ABCA5: variants seen among roughly 807,000 people sequenced by gnomAD.
ABCA5 encodes cholesterol transporter ABCA5.
ABCA5 carries 163 observed loss-of-function variants against 206.0 expected under a neutral mutation model. The ratio of observed to expected loss-of-function variants is 0.79; its 90% CI spans 0.70 to 0.90. The LOEUF is 0.90. Among genes scored for constraint, ABCA5 ranks in the 40% least tolerant of loss-of-function variants. The probability of loss-of-function intolerance (pLI) is 0.00; values close to 1 mark genes in which losing one functional copy is unlikely to be tolerated. For missense variants in ABCA5, 1,859 were observed against 1,912.9 expected (o/e 0.97, Z 0.53); for synonymous variants, 609 against 613.8 (o/e 0.99, Z 0.11).
chr17:69,281,595 A>G (rs1394024047), intron 18 of ABCA5, among the ~76,000 whole-genome samples: 1 of 152,194 alleles, frequency 6.6e-6, no homozygotes, highest in Non-Finnish European at 1.5e-5. Context: ...AGAAAAATTA[A>G]GAACTCAAAA....
At chr17:69,305,813 G>A (rs548891046) in intron 6 of ABCA5, among the ~76,000 whole-genome samples, 3 of 152,292 alleles carry the variant, frequency 2.0e-5, no homozygotes, top group South Asian at 4.1e-4. Context: ...TGAGGCCACA[G>A]TGACCCATGA....
At position 69,302,720 on chromosome 17, in the gene ABCA5, G is replaced by C. The variant is rs2075665105; in HGVS notation, c.1117C>G (p.Gln373Glu). ...CHCTFVIGIA[Q>E]VMHLEDFNEG... ...TGCAAGATTAATATATTACCTACCT[G>C]TGCAATACCAATCACAAAAGTACAG... Residue 373 changes from glutamine to glutamate, a missense_variant and splice_region_variant, in exon 8 of 39, where the codon CAG (glutamine) becomes GAG (glutamate). By Grantham distance (29) the Gln-to-Glu change is conservative. Transcript: ENST00000392676. The C allele has an allele frequency of 6.4e-7, 1 of 1,556,544 alleles. No homozygotes were observed.
chr17:69,317,296 A>T (rs1445007827), intron 1 of ABCA5: 2 of 150,848 alleles, frequency 1.3e-5, no homozygotes, highest in Admixed American at 6.7e-5. Context: ...CCAGCTACTC[A>T]GGAAGCCGAG....
intron 20 of ABCA5, among the ~76,000 whole-genome samples, chr17:69,272,308 A>G (rs1444469844): frequency 6.6e-6 from 1 of 152,166 alleles, no homozygotes; most frequent in African/African-American, 2.4e-5. Context: ...ACCACCCAAT[A>G]TATATACACA....
chr17:69,251,560 AT>A (rs2075013700), intron 35 of ABCA5, 186 bp downstream of exon 35: 1 of 685,098 alleles, frequency 1.5e-6, no homozygotes, highest in South Asian at 3.3e-5. Flanking sequence ...GTGAATTCAA[AT>A]TCAAAGTAGA....
intron 1 of ABCA5, chr17:69,325,570 A>T (rs926589983): frequency 1.3e-5 from 2 of 152,258 alleles, no homozygotes; most frequent in African/African-American, 4.8e-5. Context: ...TCAAGGACAG[A>T]GATTATAAAT....
chr17:69,314,170 A>G lies in ABCA5; in HGVS notation c.102+144T>C, dbSNP rs550802548. 20 of 392,082 alleles carry G rather than the reference A, an allele frequency of 5.1e-5. No homozygotes were observed. In the South Asian group the frequency reaches 2.5e-3, roughly 50 times the overall value. 24.3% of individuals were successfully genotyped at this position (392,082 alleles called of 1,614,324 possible). A position where few individuals can be genotyped will look rare whatever the true frequency, so the allele number is the denominator to read the frequency against. On this transcript the variant is annotated intron_variant, in intron 2 of 38. Transcript: ENST00000392676. ...GTAATTCAGTTATTTTTCTGTGGCT[A>G]ACATGGCAAGCTTTTACTTTACAAG...
chr17:69,255,785 T>C lies in ABCA5; in HGVS notation c.3924A>G (p.Ser1308=). The C allele has an allele frequency of 1.3e-6, 2 of 1,599,086 alleles. No individual in the cohort carries two copies. Among genetic ancestry groups the C allele is most frequent in the Non-Finnish European group, 1.7e-6 (2 of 1,174,432 alleles). Residue 1308 remains serine (S), a synonymous_variant, in exon 30 of 39, where the codon TCA becomes TCG. Coordinates refer to ENST00000392676, the MANE Select transcript of ABCA5 (RefSeq NM_172232.4). ...TAGTTGCCACTTTCTTTACTTTTCT[T>C]GAAAGAAGAAAATCTTTCTTGTCAT... ...EYDDKKDFLL[S]RKVKKVATKY... is the part of the protein sequence containing the mutation.
At chr17:69,264,307 T>A (rs555815805) in intron 24 of ABCA5, among the ~76,000 whole-genome samples, 54 of 152,300 alleles carry the variant, frequency 3.5e-4, no homozygotes, top group Admixed American at 7.8e-4. Context: ...CTATTGTAAA[T>A]GGAGTTGTGT....
At position 69,251,800 on chromosome 17, in the gene ABCA5, C is replaced by G. The variant is rs770014292; in HGVS notation, c.4482G>C (p.Glu1494Asp). The change falls in exon 35 of 39, where the codon GAG becomes GAC. Residue 1494 changes from glutamate to aspartate, a missense_variant. Glu to Asp is a conservative substitution (Grantham distance 45). Transcript: ENST00000392676. ...CTCGATCACAGACAGCCTCTGCCTCCTCCATATAGTGAGTGGTCAGAATAG... is the reference window on the plus strand; with the variant it reads ...CTCGATCACAGACAGCCTCTGCCTCGTCCATATAGTGAGTGGTCAGAATAG... Reference protein sequence around the residue: ...RAAILTTHYMEEAEAVCDRVA... With the variant: ...RAAILTTHYMDEAEAVCDRVA... The G allele has an allele frequency of 3.1e-6, 5 of 1,614,080 alleles. No individual in the cohort carries two copies. The highest frequency in any genetic ancestry group is 3.3e-5 in the Admixed American group (2 of 60,004).
chr17:69,267,033 C>T (rs558955573), intron 23 of ABCA5, among the ~76,000 whole-genome samples: 20 of 151,882 alleles, frequency 1.3e-4, no homozygotes, highest in Non-Finnish European at 2.8e-4. Context: ...CACCACCACG[C>T]CCTAATTTTT....
In ABCA5 at chr17:69,247,024, T is replaced by C. The variant is rs1303339109; in HGVS notation, c.*513A>G. On this transcript the variant is annotated 3_prime_UTR_variant, in exon 39 of 39. Transcript: ENST00000392676. ...CTCAAATCTCTATATTGAGATTTCC[T>C]AGTGCTTACACTTCAGCTTTTACGG... 1 of 152,138 alleles carries C rather than the reference T, an allele frequency of 6.6e-6. No homozygotes were observed. The highest frequency in any genetic ancestry group is 1.9e-4 in the East Asian group (1 of 5,214). 9.4% of individuals were successfully genotyped at this position (152,138 alleles called of 1,614,324 possible). A position where few individuals can be genotyped will look rare whatever the true frequency, so the allele number is the denominator to read the frequency against.
chr17:69,307,042 GT>G, intron 5 of ABCA5, 88 bp from the exon 6 acceptor site: 1 of 822,012 alleles, frequency 1.2e-6, no homozygotes, highest in Non-Finnish European at 1.8e-6. Context: ...CCTAAATTTG[GT>G]CAGTAACCTA....
chr17:69,307,575 G>A (rs1034624778), intron 5 of ABCA5, among the ~76,000 whole-genome samples: 19 of 151,938 alleles, frequency 1.3e-4, no homozygotes, highest in Non-Finnish European at 2.5e-4. Context: ...TAATAGATCC[G>A]TATTTCACTA....
rs564934893 is a variant in ABCA5 at position 69,308,536 on chromosome 17, T to A, written c.470-168A>T. The stretch of plus-strand genomic sequence containing the variant: ...AAAGGTAAACAATACTTACAAGATT[T>A]CTGATCATTTACTTGAAATTTTGAA... On this transcript the variant is annotated intron_variant, in intron 4 of 38. Transcript: ENST00000392676. 2.6e-5 allele frequency among the ~76,000 whole-genome samples: 4 copies of A among 152,318 alleles called. No homozygotes were observed. The East Asian group carries it at 7.7e-4, about 29-fold the overall frequency.
At chr17:69,286,717 G>A (rs1411174413) in intron 15 of ABCA5, among the ~76,000 whole-genome samples, 1 of 152,152 alleles carries the variant, frequency 6.6e-6, no homozygotes, top group Non-Finnish European at 1.5e-5. Flanking sequence ...ACAAATGTTA[G>A]TTTGTTGGGT....
In ABCA5 at chr17:69,313,082, C is replaced by A; in HGVS notation, c.307+10G>T. 1 of 1,577,562 alleles carries A rather than the reference C, an allele frequency of 6.3e-7. No individual in the cohort carries two copies. Among genetic ancestry groups the A allele is most frequent in the South Asian group, 1.2e-5 (1 of 86,064 alleles). ...ATTATAAACAGAATATATATATAAG[C>A]TCACAATACCATCAGGTAGATGATC... On this transcript the variant is annotated intron_variant, in intron 3 of 38. Coordinates refer to ENST00000392676, the MANE Select transcript of ABCA5 (RefSeq NM_172232.4).
In ABCA5 at chr17:69,301,208, T is replaced by C. The variant is rs747802134; in HGVS notation, c.1198A>G (p.Ile400Val). 5.0e-6 allele frequency: 8 copies of C among 1,604,714 alleles called. No individual in the cohort carries two copies. The highest frequency in any genetic ancestry group is 2.7e-5 in the African/African-American group (2 of 74,308). The change falls in exon 9 of 39, where the codon ATT becomes GTT. Residue 400 changes from isoleucine (I) to valine (V), a missense_variant. By Grantham distance (29) the Ile-to-Val change is conservative. Coordinates refer to ENST00000392676, the MANE Select transcript of ABCA5 (RefSeq NM_172232.4). ...TAGPYPLIIT[I>V]IMLTLNSIFY... Reference sequence around the variant, plus strand: ...ATACTATTAAGTGTGAGCATGATAATTGTAATAATTAGAGGATATGGGCCT... The same window carrying C: ...ATACTATTAAGTGTGAGCATGATAACTGTAATAATTAGAGGATATGGGCCT...
rs903702708 is a variant in ABCA5, at chr17:69,301,233, T to C, written c.1173A>G (p.Ala391=). 6.2e-6 allele frequency: 10 copies of C among 1,601,560 alleles called. No homozygotes were observed. In the Admixed American group the frequency reaches 8.9e-5, roughly 14 times the overall value. ...NEGASFSNLT[A]GPYPLIITII... ...TTGTAATAATTAGAGGATATGGGCC[T>C]GCAGTCAAATTTGAAAATGAAGCAC... The change falls in exon 9 of 39, where the codon GCA becomes GCG. Residue 391 remains alanine (A), a synonymous_variant. Transcript: ENST00000392676.
Sources: gnomAD v4.1 joint callset for allele counts (sites outside exome capture counted in the v4.1 genomes callset) on GRCh38, gnomAD v4.1.1 for gene constraint, MANE v1.5 for transcripts, NCBI Gene and HGNC (gene_info 2026-07-23, HGNC 2026-07-21) for gene names.